The following PLEKHH2 variants were observed in gnomAD, a reference collection of about 807,000 sequenced individuals.
The protein encoded by PLEKHH2 is pleckstrin homology domain-containing family H member 2.
A neutral mutation model predicts 187.9 loss-of-function variants in PLEKHH2; 129 were observed. That is an observed-to-expected ratio of 0.69 (90% CI 0.59 to 0.79). The LOEUF is 0.79. Among genes scored for constraint, PLEKHH2 ranks in the 30% least tolerant of loss-of-function variants. The pLI, the probability that PLEKHH2 is intolerant of heterozygous loss-of-function variation, is 0.00. For missense variants in PLEKHH2, 2,076 were observed against 1,751.2 expected, an observed-to-expected ratio of 1.19 and a Z score of -3.31; for synonymous variants, 686 against 605.6, an observed-to-expected ratio of 1.13 and a Z score of -1.95.
chr2:43,666,750 A>T (rs948177472), intron 2 of PLEKHH2, among the ~76,000 whole-genome samples: 2 of 152,126 alleles, frequency 1.3e-5, no homozygotes, highest in African/African-American at 4.8e-5. Flanking sequence ...ATCCATATTT[A>T]TTTTTTGGTA....
chr2:43,763,093 AACAC>A (rs1220636287), intron 28 of PLEKHH2, among the ~76,000 whole-genome samples: 1 of 152,154 alleles, frequency 6.6e-6, no homozygotes, highest in Non-Finnish European at 1.5e-5. Context: ...TTAAAAAACA[AACAC>A]ACACACACTT....
Position 43,765,501 on chromosome 2 carries a change from T to A in PLEKHH2, c.4385T>A (p.Leu1462Gln). The A allele has an allele frequency of 1.2e-6, 2 of 1,614,154 alleles. No individual in the cohort carries two copies. The highest frequency in any genetic ancestry group is 1.1e-5 in the South Asian group (1 of 91,080). The change falls in exon 30 of 30, where the codon CTG becomes CAG. Residue 1462 changes from leucine (L) to glutamine (Q), a missense_variant. By Grantham distance (113) the Leu-to-Gln change is moderately radical. Coordinates refer to ENST00000282406, the MANE Select transcript of PLEKHH2 (RefSeq NM_172069.4). ...AAFHHLSAPA[L>Q]LSAQTRGPQA... ...TTTCACCACCTCTCTGCTCCAGCAC[T>A]GCTCTCAGCCCAGACCCGGGGACCC...
In PLEKHH2 at chr2:43,728,430, A is replaced by T. The variant is rs113621585; in HGVS notation, c.2722-1207A>T. 2.2e-3 allele frequency among the ~76,000 whole-genome samples: 329 copies of T among 146,586 alleles called. 3 individuals carry two copies. The highest frequency in any genetic ancestry group is 2.2e-3 in the Non-Finnish European group (147 of 66,644). ...GAGGCAGAGGTTGCAGTGAATCGAG[A>T]TCGCGCCATTGCACTCCAGCCTGGG... On this transcript the variant is annotated intron_variant, in intron 17 of 29. Transcript: ENST00000282406.
intron 24 of PLEKHH2, among the ~76,000 whole-genome samples, chr2:43,748,760 C>CTT (rs35066741): frequency 0.2 from 29,930 of 146,496 alleles, 3,229 homozygotes; most frequent in Admixed American, 0.3. Context: ...TTCAGGCATT[C>CTT]TTTTTTTTTT....
At chr2:43,743,718 C>G (rs1671664389) in intron 22 of PLEKHH2, 116 bp from the exon 23 acceptor site, 1 of 1,013,380 alleles carries the variant, frequency 9.9e-7, no homozygotes, top group Non-Finnish European at 1.3e-6. Context: ...GTTGAAGCAC[C>G]TAGAAAAATA....
chr2:43,710,120 G>A lies in PLEKHH2; in HGVS notation c.2097G>A (p.Gly699=), dbSNP rs1322032442. 1 of 1,612,066 alleles carries A rather than the reference G, an allele frequency of 6.2e-7. No individual in the cohort carries two copies. Among genetic ancestry groups the A allele is most frequent in the Admixed American group, 1.7e-5 (1 of 59,402 alleles). The change falls in exon 12 of 30, where the codon GGG becomes GGA. Residue 699 remains glycine (G), a synonymous_variant. Coordinates refer to ENST00000282406, the MANE Select transcript of PLEKHH2 (RefSeq NM_172069.4). The stretch of plus-strand genomic sequence containing the variant: ...CTTGCTCATCTTCCAGTGATAATGG[G>A]AAAAATGTAAATATTGAATATGATT... ...PKTCSSSSDN[G]KNEPLEKSGY...
At position 43,754,197 on chromosome 2, in the gene PLEKHH2, C is replaced by CAAA. The variant is rs1339971889; in HGVS notation, c.3795+438_3795+439insAAA. Among the ~76,000 whole-genome samples the CAAA allele has an allele frequency of 9.2e-4, 115 of 125,154 alleles. 3 individuals are homozygous for CAAA. Among genetic ancestry groups the CAAA allele is most frequent in the Non-Finnish European group, 1.3e-3 (83 of 61,482 alleles). The allele number at this position is 125,154 out of a possible 152,430, so 82.1% of individuals were successfully genotyped here. A position where few individuals can be genotyped will look rare whatever the true frequency, so the allele number is the denominator to read the frequency against. The stretch of plus-strand genomic sequence containing the variant: ...ACACACACACACACACACACACACA[C>CAAA]ACACACACAAAATTAATACTGACTT... On this transcript the variant is annotated intron_variant, in intron 25 of 29. Transcript: ENST00000282406.
intron 2 of PLEKHH2, among the ~76,000 whole-genome samples, chr2:43,649,065 A>T (rs1300933665): frequency 1.3e-5 from 2 of 152,082 alleles, no homozygotes; most frequent in Non-Finnish European, 2.9e-5. Flanking sequence ...ATTTTTTTTC[A>T]TCACAGTTTC....
rs62136382 is a variant in PLEKHH2 at position 43,747,111 on chromosome 2, T to C, written c.3653+1148T>C. Among the ~76,000 whole-genome samples, 485 of 77,554 alleles carry C rather than the reference T, an allele frequency of 6.3e-3. 1 individual carries two copies. The highest frequency in any genetic ancestry group is 0.02 in the African/African-American group (310 of 15,670). The allele number at this position is 77,554 out of a possible 152,430, so 50.9% of individuals were successfully genotyped here. ...CTTTCTGTCTCTCTCTCTCTCTCCC[T>C]CTCTCTCTCTCTCTCTCTCTCTCGG... On this transcript the variant is annotated intron_variant, in intron 24 of 29. Transcript: ENST00000282406.
At position 43,720,124 on chromosome 2, in the gene PLEKHH2, A is replaced by C. The variant is rs576992785; in HGVS notation, c.2461-545A>C. 8.5e-5 allele frequency among the ~76,000 whole-genome samples: 13 copies of C among 152,290 alleles called. No individual in the cohort carries two copies. The South Asian group carries it at 2.5e-3, about 29-fold the overall frequency. ...AATAACATACATTGTACCCCATTACATAATTTCCCATAATCCACCCCTCCA... is the reference window on the plus strand; with the variant it reads ...AATAACATACATTGTACCCCATTACCTAATTTCCCATAATCCACCCCTCCA... On this transcript the variant is annotated intron_variant, in intron 15 of 29. Coordinates refer to ENST00000282406, the MANE Select transcript of PLEKHH2 (RefSeq NM_172069.4).
In PLEKHH2 at chr2:43,695,244, A is replaced by G. The variant is rs1411184905; in HGVS notation, c.502+20A>G. On this transcript the variant is annotated intron_variant, in intron 6 of 29. Transcript: ENST00000282406. ...TACAAGGTACAAATACTTTACTAAG[A>G]TAGCTTAGTTGGATTTATTTGACTA... The G allele has an allele frequency of 1.4e-5, 20 of 1,419,806 alleles. 1 individual carries two copies. In the South Asian group the frequency reaches 2.6e-4, roughly 18 times the overall value. 88.0% of individuals were successfully genotyped at this position (1,419,806 alleles called of 1,614,324 possible).
intron 3 of PLEKHH2, chr2:43,680,491 C>A (rs7560838): frequency 0.11 from 16,665 of 158,328 alleles, 936 homozygotes; most frequent in African/African-American, 0.15. Flanking sequence ...ATTCCTTATG[C>A]TTCCTCTAAG....
chr2:43,751,211 T>A (rs1671996915), intron 24 of PLEKHH2, among the ~76,000 whole-genome samples: 1 of 152,228 alleles, frequency 6.6e-6, no homozygotes, highest in South Asian at 2.1e-4. Flanking sequence ...GTATGACGCA[T>A]ACGTACAAGA....
At chr2:43,700,718 T>A (rs1236712629) in intron 8 of PLEKHH2, 110 bp downstream of exon 8, 3 of 1,370,052 alleles carry the variant, frequency 2.2e-6, no homozygotes, top group African/African-American at 2.9e-5. Flanking sequence ...AGTGGCGCGA[T>A]CTTGGCTCAC....
intron 2 of PLEKHH2, among the ~76,000 whole-genome samples, chr2:43,676,592 G>C (rs1405860074): frequency 6.6e-6 from 1 of 152,046 alleles, no homozygotes; most frequent in Non-Finnish European, 1.5e-5. Flanking sequence ...AATGAGCAGA[G>C]ATGAGTCACA....
At chr2:43,654,730 A>G (rs991664030) in intron 2 of PLEKHH2, among the ~76,000 whole-genome samples, 4 of 143,580 alleles carry the variant, frequency 2.8e-5, no homozygotes, top group African/African-American at 1.0e-4. Context: ...TCTCTACCAA[A>G]AAATTAAAAA....
chr2:43,658,244 C>A (rs1177413246), intron 2 of PLEKHH2, among the ~76,000 whole-genome samples: 2 of 152,180 alleles, frequency 1.3e-5, no homozygotes, highest in Non-Finnish European at 2.9e-5. Context: ...GAAGTCTCTG[C>A]ATGTCTCTTA....
intron 3 of PLEKHH2, among the ~76,000 whole-genome samples, chr2:43,685,587 C>G (rs955736599): frequency 6.6e-6 from 1 of 150,598 alleles, no homozygotes; most frequent in Non-Finnish European, 1.5e-5. Flanking sequence ...GCCACCACAC[C>G]CAGTTAATGT....
intron 15 of PLEKHH2, among the ~76,000 whole-genome samples, chr2:43,716,224 AG>A (rs1670202466): frequency 6.6e-6 from 1 of 151,998 alleles, no homozygotes. Flanking sequence ...AGAAGGGAGG[AG>A]GGGGATTAAA....
Sources: allele counts gnomAD v4.1 joint callset (sites outside exome capture counted in the v4.1 genomes callset), GRCh38; gene constraint gnomAD v4.1.1; transcripts MANE v1.5; gene names NCBI Gene and HGNC (gene_info 2026-07-23, HGNC 2026-07-21).